SCAMP4: variants seen among roughly 807,000 people sequenced by gnomAD.
The protein encoded by SCAMP4 is secretory carrier-associated membrane protein 4.
A neutral mutation model predicts 32.1 loss-of-function variants in SCAMP4; 19 were observed. The ratio of observed to expected loss-of-function variants is 0.59; its 90% CI spans 0.41 to 0.87. The LOEUF is 0.87. SCAMP4 is among the 40% of genes least tolerant of loss of function. The pLI, the probability that SCAMP4 is intolerant of heterozygous loss-of-function variation, is 0.00. For missense variants in SCAMP4, 302 were observed against 309.0 expected (o/e 0.98, Z 0.17); for synonymous variants, 152 against 132.7 (o/e 1.15, Z -1.00).
intron 1 of SCAMP4, chr19:1,913,268 C>A: frequency 7.2e-7 from 1 of 1,386,970 alleles, no homozygotes; most frequent in South Asian, 1.5e-5. Flanking sequence ...GGACACATAC[C>A]GCCTCCAGCG....
chr19:1,914,639 C>T (rs1014151022), intron 1 of SCAMP4: 1 of 393,064 alleles, frequency 2.5e-6, no homozygotes, highest in Admixed American at 3.9e-5. Context: ...CTGCAGCGTT[C>T]ACCTTGTGGC....
intron 2 of SCAMP4, among the ~76,000 whole-genome samples, chr19:1,916,237 C>CA (rs529074523): frequency 0.015 from 1,705 of 115,870 alleles, 5 homozygotes; most frequent in Admixed American, 0.019. Context: ...GACTGGATCT[C>CA]AAAAAAAAAA....
At position 1,923,045 on chromosome 19, in the gene SCAMP4, C is replaced by G. The variant is rs1352683838; in HGVS notation, c.396-25C>G. 3 of 1,525,586 alleles carry G rather than the reference C, an allele frequency of 2.0e-6. No individual in the cohort carries two copies. In the South Asian group the frequency reaches 3.7e-5, roughly 19 times the overall value. 94.5% of individuals were successfully genotyped at this position (1,525,586 alleles called of 1,614,324 possible). A position where few individuals can be genotyped will look rare whatever the true frequency, so the allele number is the denominator to read the frequency against. ...CCTCATCCAGCAGGTGTGCAGGCAC[C>G]CACGCACTCTCTTGTCCCTTGCAGC... On this transcript the variant is annotated intron_variant, in intron 5 of 6. Coordinates refer to ENST00000316097, the MANE Select transcript of SCAMP4 (RefSeq NM_079834.4).
intron 1 of SCAMP4, among the ~76,000 whole-genome samples, chr19:1,907,391 T>TAAA (rs111426560): frequency 0.19 from 25,365 of 136,904 alleles, 2,820 homozygotes; most frequent in African/African-American, 0.3. Flanking sequence ...AGCCCTGCCT[T>TAAA]AAAAAAAAAA....
At chr19:1,912,314 T>C in intron 1 of SCAMP4, 2 of 1,555,598 alleles carry the variant, frequency 1.3e-6, no homozygotes. Context: ...CCGCCCAGCC[T>C]CACCTCAAGC....
rs922000354 is a variant in SCAMP4, at chr19:1,908,116, G to C, written c.-42+2677G>C. ...ACAGTGGAGTGTTTGTGGCCTAGCAGGGCCGTGCGGGCCTCTCGGTCCTGG... is the reference window on the plus strand; with the variant it reads ...ACAGTGGAGTGTTTGTGGCCTAGCACGGCCGTGCGGGCCTCTCGGTCCTGG... On this transcript the variant is annotated intron_variant, in intron 1 of 6. Coordinates refer to ENST00000316097, the MANE Select transcript of SCAMP4 (RefSeq NM_079834.4). This position sits in a 1 kb window ranked among gnomAD's most constrained non-coding sequence, Gnocchi z 4.2. 5.4e-5 allele frequency: 12 copies of C among 222,294 alleles called. No individual in the cohort carries two copies. The highest frequency in any genetic ancestry group is 8.2e-5 in the Non-Finnish European group (9 of 109,964). The allele number at this position is 222,294 out of a possible 1,614,324, so 13.8% of individuals were successfully genotyped here. A position where few individuals can be genotyped will look rare whatever the true frequency, so the allele number is the denominator to read the frequency against.
chr19:1,914,954 C>T, intron 1 of SCAMP4, 25 bp from the exon 2 acceptor site: 2 of 1,609,464 alleles, frequency 1.2e-6, no homozygotes, highest in Admixed American at 1.7e-5. Context: ...TCAGGGTTCC[C>T]TGACTGTGGT....
intron 1 of SCAMP4, among the ~76,000 whole-genome samples, chr19:1,910,439 T>G (rs1390377937): frequency 2.6e-5 from 4 of 152,162 alleles, no homozygotes; most frequent in Non-Finnish European, 5.9e-5. Context: ...CTGTGTGTGT[T>G]GTAGGGTGGT....
chr19:1,921,521 C>T, intron 5 of SCAMP4: 2 of 985,454 alleles, frequency 2.0e-6, no homozygotes, highest in East Asian at 1.1e-4. Flanking sequence ...AGCATGCAGC[C>T]CACTGACAGT....
At position 1,924,351 on chromosome 19, in the gene SCAMP4, C is replaced by T. The variant is rs1722809700; in HGVS notation, c.*67C>T. The T allele has an allele frequency of 2.7e-6, 4 of 1,470,706 alleles. No homozygotes were observed. In the South Asian group the frequency reaches 5.0e-5, roughly 18 times the overall value. The allele number at this position is 1,470,706 out of a possible 1,614,324, so 91.1% of individuals were successfully genotyped here. On this transcript the variant is annotated 3_prime_UTR_variant, in exon 7 of 7. Coordinates refer to ENST00000316097, the MANE Select transcript of SCAMP4 (RefSeq NM_079834.4). The stretch of plus-strand genomic sequence containing the variant: ...TTCATTCCTGCTGCTACCCCTGGTC[C>T]CGAGGGCTGGGAGTACCTGGGGCCC...
intron 2 of SCAMP4, among the ~76,000 whole-genome samples, chr19:1,915,780 A>C (rs963909528): frequency 2.6e-4 from 39 of 151,984 alleles, no homozygotes; most frequent in African/African-American, 9.2e-4. Context: ...CCCCGTCTCT[A>C]CTAAAAATAC....
At chr19:1,909,330 CCT>C (rs1312192946) in intron 1 of SCAMP4, among the ~76,000 whole-genome samples, 12 of 152,174 alleles carry the variant, frequency 7.9e-5, no homozygotes, top group African/African-American at 2.4e-4. Context: ...CCCACGCCTG[CCT>C]CTCTGCTGTG....
At chr19:1,915,802 T>C (rs975372194) in intron 2 of SCAMP4, among the ~76,000 whole-genome samples, 1 of 151,716 alleles carries the variant, frequency 6.6e-6, no homozygotes, top group African/African-American at 2.4e-5. Context: ...AAAAATTAGC[T>C]GGGCGTGGTG....
intron 1 of SCAMP4, chr19:1,913,107 G>A (rs2013584702): frequency 5.6e-6 from 9 of 1,593,612 alleles, no homozygotes; most frequent in Non-Finnish European, 7.7e-6. Flanking sequence ...GGTGTTCCGC[G>A]GGGTGCTGGA....
intron 1 of SCAMP4, chr19:1,914,656 C>A (rs1005385329): frequency 2.1e-5 from 9 of 423,242 alleles, no homozygotes; most frequent in African/African-American, 1.2e-4. Flanking sequence ...TGGCGCCCAC[C>A]CCTTGTGGGC....
intron 1 of SCAMP4, chr19:1,912,287 G>C (rs920345751): frequency 3.2e-6 from 5 of 1,577,000 alleles, no homozygotes; most frequent in South Asian, 1.2e-5. Flanking sequence ...AGGAGGTGTC[G>C]GCCCTGCACC....
chr19:1,911,459 G>A (rs1269801873), intron 1 of SCAMP4, among the ~76,000 whole-genome samples: 7 of 152,154 alleles, frequency 4.6e-5, no homozygotes, highest in South Asian at 4.1e-4. Flanking sequence ...GGCGTGAGCC[G>A]CTGGTACCTA....
At chr19:1,915,373 G>T (rs2396361) in intron 2 of SCAMP4, 281,983 of 390,296 alleles carry the variant, frequency 0.72, 106,070 homozygotes, top group Non-Finnish European at 0.82. Context: ...TCCCCAGTGG[G>T]GCGTAAGCCC....
At chr19:1,914,903 A>C in intron 1 of SCAMP4, 76 bp from the exon 2 acceptor site, 1 of 1,265,176 alleles carries the variant, frequency 7.9e-7, no homozygotes, top group South Asian at 1.2e-5. Flanking sequence ...AGGGCTTTTC[A>C]GCCACGGTGG....
Sources: gnomAD v4.1 joint callset for allele counts (sites outside exome capture counted in the v4.1 genomes callset) on GRCh38, gnomAD v4.1.1 for gene constraint, Gnocchi (gnomAD v3.1) non-coding constraint, MANE v1.5 for transcripts, NCBI Gene and HGNC (gene_info 2026-07-23, HGNC 2026-07-21) for gene names.